Variants in LRBA observed in about 807,000 individuals in gnomAD.
The protein encoded by LRBA is LPS responsive beige-like anchor protein.
LRBA carries 176 observed loss-of-function variants against 330.0 expected under a neutral mutation model. The ratio of observed to expected loss-of-function variants is 0.53; its 90% CI spans 0.47 to 0.60. LRBA has a LOEUF of 0.60. Among genes scored for constraint, LRBA ranks in the 20% least tolerant of loss-of-function variants. The probability of loss-of-function intolerance (pLI) is 0.00; values close to 1 mark genes in which losing one functional copy is unlikely to be tolerated. For synonymous variants in LRBA, 1,230 were observed against 1,193.0 expected (o/e 1.03, Z -0.64); for missense variants, 3,259 against 3,444.8 (o/e 0.95, Z 1.35).
intron 40 of LRBA, among the ~76,000 whole-genome samples, chr4:150,530,487 T>C (rs761372417): frequency 6.6e-6 from 1 of 152,206 alleles, no homozygotes. Context: ...TGGTTAGACT[T>C]GGAATAATTT....
chr4:150,345,288 C>T (rs1282985397), intron 48 of LRBA, among the ~76,000 whole-genome samples: 3 of 152,066 alleles, frequency 2.0e-5, no homozygotes, highest in Non-Finnish European at 2.9e-5. Flanking sequence ...TTACATGATT[C>T]GGGTTTAGTA....
chr4:150,422,497 A>C (rs190597152), intron 46 of LRBA: 1 of 287,294 alleles, frequency 3.5e-6, no homozygotes, highest in East Asian at 7.3e-5. Context: ...TGCCTTCAAC[A>C]TAACTCCAGG....
In LRBA at chr4:150,438,096, A is replaced by C. The variant is rs139105310; in HGVS notation, c.6781-1232T>G. ...TTAAGTAACAATTCATTCTCAAAAA[A>C]CATTCTGATCTCTAGAAAATCTCTA... On this transcript the variant is annotated intron_variant, in intron 44 of 56. Transcript: ENST00000651943. Among the ~76,000 whole-genome samples, 734 of 152,346 alleles carry C rather than the reference A, an allele frequency of 4.8e-3. 4 individuals are homozygous for C. Among genetic ancestry groups the C allele is most frequent in the Non-Finnish European group, 7.8e-3 (529 of 68,032 alleles).
chr4:150,855,087 GTC>G (rs2126933527), intron 22 of LRBA, among the ~76,000 whole-genome samples: 1 of 152,224 alleles, frequency 6.6e-6, no homozygotes, highest in South Asian at 2.1e-4. Context: ...GTGAAACATT[GTC>G]TCTACTAAAA....
chr4:150,527,794 A>G (rs1165373949), intron 40 of LRBA, among the ~76,000 whole-genome samples: 1 of 152,176 alleles, frequency 6.6e-6, no homozygotes, highest in Non-Finnish European at 1.5e-5. Flanking sequence ...AAGAATTTGT[A>G]CAATATTTAG....
chr4:150,865,096 A>G (rs1331658580), intron 22 of LRBA, among the ~76,000 whole-genome samples: 2 of 152,170 alleles, frequency 1.3e-5, no homozygotes, highest in African/African-American at 4.8e-5. Flanking sequence ...TCCCTAACCT[A>G]TAATCTCCCC....
chr4:150,450,326 T>C (rs1048066474), intron 44 of LRBA, among the ~76,000 whole-genome samples: 3 of 152,342 alleles, frequency 2.0e-5, no homozygotes, highest in East Asian at 1.9e-4. Context: ...TATAAACTTA[T>C]TGCCTCAGAG....
intron 37 of LRBA, among the ~76,000 whole-genome samples, chr4:150,600,694 C>A (rs2126518768): frequency 1.3e-5 from 2 of 152,124 alleles, no homozygotes; most frequent in South Asian, 4.1e-4. Context: ...CTTCATTATT[C>A]TGTCTAAATT....
chr4:150,863,389 C>T (rs1456290711), intron 22 of LRBA, among the ~76,000 whole-genome samples: 4 of 152,122 alleles, frequency 2.6e-5, no homozygotes, highest in Non-Finnish European at 4.4e-5. Context: ...AAGCCAGTCC[C>T]GGTGGCTCAC....
intron 35 of LRBA, among the ~76,000 whole-genome samples, chr4:150,735,707 G>A (rs1436886274): frequency 6.6e-6 from 1 of 152,138 alleles, no homozygotes; most frequent in East Asian, 1.9e-4. Context: ...GCACACAAAG[G>A]ACAATCAGTG....
intron 2 of LRBA, among the ~76,000 whole-genome samples, chr4:151,000,048 CAAT>C (rs1743159796): frequency 1.3e-5 from 2 of 152,116 alleles, no homozygotes; most frequent in African/African-American, 2.4e-5. Context: ...AGATTAACAA[CAAT>C]AACTAGTAAT....
chr4:150,450,775 C>G (rs1474616634), intron 44 of LRBA, among the ~76,000 whole-genome samples: 1 of 152,108 alleles, frequency 6.6e-6, no homozygotes, highest in Non-Finnish European at 1.5e-5. Context: ...TGGCTTACAC[C>G]TATAATCCTA....
chr4:150,975,022 T>C (rs1002960480), intron 2 of LRBA, among the ~76,000 whole-genome samples: 1 of 152,188 alleles, frequency 6.6e-6, no homozygotes, highest in African/African-American at 2.4e-5. Flanking sequence ...CCAAGAAATA[T>C]AACACAGCTC....
In LRBA at chr4:150,508,230, T is replaced by A. The variant is rs1477288093; in HGVS notation, c.6331-17195A>T. On this transcript the variant is annotated intron_variant, in intron 40 of 56. Coordinates refer to ENST00000651943, the MANE Select transcript of LRBA (RefSeq NM_001364905.1). ...ACCCTAAAACTTAAAATAATAAAAT[T>A]TAAAAAAAAAGGGGGGGGGGGGGAG... 1.2e-4 allele frequency among the ~76,000 whole-genome samples: 8 copies of A among 67,048 alleles called. No homozygotes were observed. The East Asian group carries it at 3.7e-3, about 31-fold the overall frequency. 44.0% of individuals were successfully genotyped at this position (67,048 alleles called of 152,430 possible).
intron 47 of LRBA, among the ~76,000 whole-genome samples, chr4:150,401,906 AAG>A (rs1745516935): frequency 1.3e-5 from 2 of 151,942 alleles, no homozygotes; most frequent in South Asian, 2.1e-4. Flanking sequence ...AGGGTGAAAA[AAG>A]AGGAGAGAGA....
intron 34 of LRBA, among the ~76,000 whole-genome samples, chr4:150,783,686 C>T (rs977590439): frequency 1.3e-5 from 2 of 152,192 alleles, no homozygotes; most frequent in East Asian, 1.9e-4. Flanking sequence ...TAAAAGCCCA[C>T]TGTGGAAGAG....
chr4:150,699,153 T>C (rs1203483337), intron 36 of LRBA, among the ~76,000 whole-genome samples: 1 of 152,110 alleles, frequency 6.6e-6, no homozygotes, highest in Non-Finnish European at 1.5e-5. Context: ...GATCCTGAAC[T>C]CGAGAAAGAA....
At chr4:150,776,367 A>G (rs1038110106) in intron 34 of LRBA, among the ~76,000 whole-genome samples, 21 of 152,194 alleles carry the variant, frequency 1.4e-4, no homozygotes, top group Non-Finnish European at 2.8e-4. Flanking sequence ...ACTGTCAACA[A>G]CCAAAAACAT....
At chr4:150,732,382 C>T (rs2127131148) in intron 36 of LRBA, among the ~76,000 whole-genome samples, 1 of 152,064 alleles carries the variant, frequency 6.6e-6, no homozygotes, top group African/African-American at 2.4e-5. Flanking sequence ...ACTGCTTTCC[C>T]TTAAGACTAA....
Sources: gnomAD v4.1 joint callset for allele counts (sites outside exome capture counted in the v4.1 genomes callset) on GRCh38, gnomAD v4.1.1 for gene constraint, MANE v1.5 for transcripts, NCBI Gene and HGNC (gene_info 2026-07-23, HGNC 2026-07-21) for gene names.